Variants in CECR2 observed in about 807,000 individuals in gnomAD.
CECR2 encodes CECR2 histone acetyl-lysine reader.
CECR2 carries 30 observed loss-of-function variants against 154.5 expected under a neutral mutation model. The observed-to-expected ratio is 0.19, with a 90% CI of 0.15 to 0.26. The LOEUF (loss-of-function observed/expected upper bound fraction) is 0.26. Among genes scored for constraint, CECR2 ranks in the 10% least tolerant of loss-of-function variants. The pLI is 1.00. For synonymous variants in CECR2, 725 were observed against 683.7 expected (o/e 1.06, Z -0.94); for missense variants, 1,743 against 1,829.3 (o/e 0.95, Z 0.86).
At chr22:17,444,486 A>G (rs5746386) in intron 1 of CECR2, among the ~76,000 whole-genome samples, 43,093 of 151,846 alleles carry the variant, frequency 0.28, 8,465 homozygotes, top group East Asian at 0.54. Context: ...ATATTAGGCG[A>G]CGTGGTGGTG....
intron 1 of CECR2, among the ~76,000 whole-genome samples, chr22:17,397,024 TAGTG>T (rs1199408639): frequency 6.6e-6 from 1 of 152,106 alleles, no homozygotes; most frequent in Non-Finnish European, 1.5e-5. Context: ...CTGTGGCAGT[TAGTG>T]GGTGGGACCT....
At chr22:17,484,739 G>A (rs1195066336) in intron 2 of CECR2, among the ~76,000 whole-genome samples, 2 of 152,066 alleles carry the variant, frequency 1.3e-5, no homozygotes, top group Non-Finnish European at 1.5e-5. Flanking sequence ...TTAGCCGGGT[G>A]TATTGGCACA....
intron 4 of CECR2, among the ~76,000 whole-genome samples, chr22:17,500,079 C>T (rs535020415): frequency 4.2e-4 from 64 of 151,894 alleles, no homozygotes; most frequent in Non-Finnish European, 7.4e-4. Context: ...GGCGTGGTGG[C>T]GGGCACCTGT....
chr22:17,463,326 G>T (rs1421899225), intron 1 of CECR2, among the ~76,000 whole-genome samples: 1 of 152,144 alleles, frequency 6.6e-6, no homozygotes, highest in Non-Finnish European at 1.5e-5. Flanking sequence ...GGAGACATTG[G>T]TACAAAGGGG....
rs567383172 is a variant in CECR2 at position 17,389,223 on chromosome 22, A to G, written c.126+19314A>G. Among the ~76,000 whole-genome samples, 9 of 152,244 alleles carry G rather than the reference A, an allele frequency of 5.9e-5. No individual in the cohort carries two copies. In the East Asian group the frequency reaches 1.7e-3, roughly 29 times the overall value. On this transcript the variant is annotated intron_variant, in intron 1 of 18. Transcript: ENST00000262608. ...TTCCCCACGTGTTCAGTTTTACACC[A>G]TGTGCTTTACTGCCATCTCCCTCTT...
chr22:17,522,897 C>T (rs1223116340), intron 8 of CECR2, among the ~76,000 whole-genome samples: 3 of 151,448 alleles, frequency 2.0e-5, no homozygotes, highest in Non-Finnish European at 2.9e-5. Context: ...CTCAGCTACT[C>T]GAGAGGCTAA....
At chr22:17,477,796 A>T in intron 2 of CECR2, 114 bp downstream of exon 2, 1 of 755,812 alleles carries the variant, frequency 1.3e-6, no homozygotes, top group East Asian at 2.6e-5. Context: ...GCATCACGGG[A>T]CACTGTAGAT....
At chr22:17,393,347 T>C (rs2053759824) in intron 1 of CECR2, among the ~76,000 whole-genome samples, 2 of 152,250 alleles carry the variant, frequency 1.3e-5, no homozygotes, top group South Asian at 4.1e-4. Context: ...AAAGTATCAG[T>C]ATATAATTCC....
At chr22:17,510,469 A>G (rs2055924060) in intron 7 of CECR2, among the ~76,000 whole-genome samples, 1 of 141,484 alleles carries the variant, frequency 7.1e-6, no homozygotes, top group Admixed American at 7.2e-5. Context: ...GAACCTATGA[A>G]AAAAAAAAAG....
intron 9 of CECR2, among the ~76,000 whole-genome samples, chr22:17,526,773 C>T (rs1295516643): frequency 7.5e-6 from 1 of 132,688 alleles, no homozygotes; most frequent in Non-Finnish European, 1.5e-5. Flanking sequence ...TGCATCACTG[C>T]ACTCCAACCT....
At chr22:17,470,108 C>T (rs1487053265) in intron 1 of CECR2, among the ~76,000 whole-genome samples, 2 of 152,048 alleles carry the variant, frequency 1.3e-5, no homozygotes, top group African/African-American at 4.8e-5. Context: ...CAGGAACCTA[C>T]CACACTCAAA....
At chr22:17,509,805 C>T (rs540150454) in intron 7 of CECR2, among the ~76,000 whole-genome samples, 18 of 152,228 alleles carry the variant, frequency 1.2e-4, no homozygotes. Context: ...GAAAACTAAA[C>T]CCACATTTTA....
intron 1 of CECR2, among the ~76,000 whole-genome samples, chr22:17,426,213 T>C (rs1306103436): frequency 6.6e-6 from 1 of 152,162 alleles, no homozygotes; most frequent in Admixed American, 6.5e-5. Context: ...CACAATACAT[T>C]ATCACACAAA....
chr22:17,502,978 A>G, intron 5 of CECR2, 104 bp from the exon 6 acceptor site: 1 of 947,724 alleles, frequency 1.1e-6, no homozygotes, highest in East Asian at 2.6e-5. Flanking sequence ...ACACACATAC[A>G]CTCTCTTTGT....
intron 7 of CECR2, among the ~76,000 whole-genome samples, chr22:17,509,752 C>T (rs1307399135): frequency 1.3e-5 from 2 of 152,162 alleles, no homozygotes; most frequent in Non-Finnish European, 2.9e-5. Flanking sequence ...TCGGTCCTCT[C>T]CCATTGTTTA....
intron 1 of CECR2, among the ~76,000 whole-genome samples, chr22:17,429,539 C>CAAAACA (rs2054386705): frequency 8.3e-6 from 1 of 121,012 alleles, no homozygotes; most frequent in African/African-American, 3.6e-5. Context: ...CCATCTCTAC[C>CAAAACA]AAAAACAAAA....
At chr22:17,395,989 C>T (rs1370024779) in intron 1 of CECR2, among the ~76,000 whole-genome samples, 1 of 151,910 alleles carries the variant, frequency 6.6e-6, no homozygotes, top group Non-Finnish European at 1.5e-5. Context: ...CCTGTAATCC[C>T]AGCACTTTGG....
rs2053837460 is a variant in CECR2 at position 17,397,957 on chromosome 22, TGGTCCTGTTGG to T, written c.126+28049_126+28059del. 3.9e-5 allele frequency among the ~76,000 whole-genome samples: 6 copies of T among 152,184 alleles called. No individual in the cohort carries two copies. In the East Asian group the frequency reaches 5.8e-4, roughly 15 times the overall value. Reference sequence around the variant, plus strand: ...TGTACCATGTCATCATCTTTGTCAGTGGTCCTGTTGGATTGTTCATGCAACACTGTGTCTGT... The same window carrying T: ...TGTACCATGTCATCATCTTTGTCAGTATTGTTCATGCAACACTGTGTCTGT... On this transcript the variant is annotated intron_variant, in intron 1 of 18. Transcript: ENST00000262608.
intron 1 of CECR2, among the ~76,000 whole-genome samples, chr22:17,451,716 G>T (rs533154508): frequency 6.6e-6 from 1 of 152,230 alleles, no homozygotes; most frequent in South Asian, 2.1e-4. Context: ...TATCATTGCA[G>T]CAAAGCATCC....
Sources: gnomAD v4.1 joint callset for allele counts (sites outside exome capture counted in the v4.1 genomes callset) on GRCh38, gnomAD v4.1.1 for gene constraint, MANE v1.5 for transcripts, NCBI Gene and HGNC (gene_info 2026-07-23, HGNC 2026-07-21) for gene names.